The following RNF216 variants were observed in gnomAD, a reference collection of about 807,000 sequenced individuals.
RNF216 encodes the protein ring finger protein 216, also known as E3 ubiquitin-protein ligase RNF216.
RNF216 carries 72 observed loss-of-function variants against 110.8 expected under a neutral mutation model. The observed-to-expected ratio is 0.65, with a 90% confidence interval of 0.54 to 0.79. The LOEUF (loss-of-function observed/expected upper bound fraction) is 0.79. Ranked by LOEUF, RNF216 falls within the 30% of genes least tolerant of loss-of-function variation. The probability of loss-of-function intolerance (pLI) is 0.00; values close to 1 mark genes in which losing one functional copy is unlikely to be tolerated. For synonymous variants in RNF216, 495 were observed against 407.5 expected (o/e 1.21, Z -2.59); for missense variants, 1,342 against 1,141.2 (o/e 1.18, Z -2.54).
chr7:5,693,556 C>A (rs1791459033), intron 13 of RNF216, among the ~76,000 whole-genome samples: 1 of 152,172 alleles, frequency 6.6e-6, no homozygotes. Context: ...TAGGAAGAAG[C>A]CGGCATGAAG....
intron 1 of RNF216, among the ~76,000 whole-genome samples, chr7:5,780,864 G>A (rs1797045763): frequency 1.3e-5 from 2 of 152,222 alleles, no homozygotes; most frequent in South Asian, 4.1e-4. Flanking sequence ...ACGCTCCAGG[G>A]TTGGTTGCAA....
chr7:5,655,330 G>C (rs1266958310), intron 13 of RNF216, among the ~76,000 whole-genome samples: 1 of 152,186 alleles, frequency 6.6e-6, no homozygotes, highest in Non-Finnish European at 1.5e-5. Context: ...TATCTGAAAC[G>C]TCTTTTGAAA....
chr7:5,773,671 G>A (rs1796619537), intron 1 of RNF216, among the ~76,000 whole-genome samples: 1 of 152,162 alleles, frequency 6.6e-6, no homozygotes, highest in Non-Finnish European at 1.5e-5. Context: ...AGGTTCAAGC[G>A]ATTCTCCTGC....
rs757380790 is a variant in RNF216 at position 5,741,286 on chromosome 7, T to A, written c.731A>T (p.Glu244Val). ...YFQSLNQQPR[E>V]ITNQVVPQER... ...CTGAGGAACGACCTGGTTTGTTATTTCACGGGGCTGTTGGTTCAGAGACTG... is the reference window on the plus strand; with the variant it reads ...CTGAGGAACGACCTGGTTTGTTATTACACGGGGCTGTTGGTTCAGAGACTG... Residue 244 changes from glutamate to valine, a missense_variant, in exon 4 of 17, where the codon GAA becomes GTA. Coordinates refer to ENST00000389902, the MANE Select transcript of RNF216 (RefSeq NM_207111.4). 11 of 1,614,098 alleles carry A rather than the reference T, an allele frequency of 6.8e-6. No individual in the cohort carries two copies. The South Asian group carries it at 1.2e-4, about 18-fold the overall frequency.
At chr7:5,679,620 G>A (rs1790524711) in intron 13 of RNF216, among the ~76,000 whole-genome samples, 1 of 152,184 alleles carries the variant, frequency 6.6e-6, no homozygotes, top group Non-Finnish European at 1.5e-5. Context: ...AGCTCCAGGC[G>A]CTATGACAAC....
chr7:5,658,117 C>A (rs1788862014), intron 13 of RNF216, among the ~76,000 whole-genome samples: 1 of 152,158 alleles, frequency 6.6e-6, no homozygotes, highest in South Asian at 2.1e-4. Context: ...GGATTCTTTG[C>A]GGAGCTGACA....
At chr7:5,737,206 TG>T (rs1333792928) in intron 5 of RNF216, among the ~76,000 whole-genome samples, 20 of 152,250 alleles carry the variant, frequency 1.3e-4, no homozygotes, top group African/African-American at 4.8e-4. Context: ...GGGATGCTGT[TG>T]ATCTATTACC....
chr7:5,728,754 G>A (rs925717516), intron 7 of RNF216, among the ~76,000 whole-genome samples: 1 of 152,210 alleles, frequency 6.6e-6, no homozygotes, highest in African/African-American at 2.4e-5. Flanking sequence ...CACTGTGTTT[G>A]CTGAGAATCA....
intron 7 of RNF216, among the ~76,000 whole-genome samples, chr7:5,726,936 A>T (rs1219736937): frequency 2.7e-5 from 4 of 147,794 alleles, no homozygotes; most frequent in African/African-American, 1.1e-4. Context: ...TTGAAACGGA[A>T]GGAAGGGTGT....
chr7:5,662,957 A>C (rs1186538366), intron 13 of RNF216, among the ~76,000 whole-genome samples: 1 of 152,122 alleles, frequency 6.6e-6, no homozygotes, highest in Admixed American at 6.6e-5. Flanking sequence ...GAGCGCTCAG[A>C]GAATCCAGCA....
chr7:5,719,128 C>CTG (rs1793249964), intron 9 of RNF216, among the ~76,000 whole-genome samples: 1 of 152,010 alleles, frequency 6.6e-6, no homozygotes, highest in South Asian at 2.1e-4. Context: ...TGCCTGTAAC[C>CTG]CCAACAATTT....
chr7:5,726,354 T>C (rs945152814), intron 7 of RNF216, among the ~76,000 whole-genome samples: 2 of 152,210 alleles, frequency 1.3e-5, no homozygotes, highest in Admixed American at 1.3e-4. Flanking sequence ...AGTCCCATTC[T>C]GTAGGCAAAT....
intron 1 of RNF216, chr7:5,775,178 G>A (rs1048177714): frequency 5.9e-5 from 9 of 152,124 alleles, no homozygotes; most frequent in African/African-American, 1.9e-4. Flanking sequence ...AGGAAACATG[G>A]CCTAGGCAAC....
intron 13 of RNF216, among the ~76,000 whole-genome samples, chr7:5,689,461 A>G (rs895271474): frequency 6.6e-6 from 1 of 152,070 alleles, no homozygotes; most frequent in Non-Finnish European, 1.5e-5. Flanking sequence ...TTCTGTTGTC[A>G]AGTGATCAAT....
intron 14 of RNF216, among the ~76,000 whole-genome samples, chr7:5,650,429 C>T (rs984217171): frequency 6.6e-6 from 1 of 152,188 alleles, no homozygotes; most frequent in Non-Finnish European, 1.5e-5. Context: ...CAAGAAACAT[C>T]TCACAGCCTG....
In RNF216 at chr7:5,721,116, T is replaced by C. The variant is rs1275324766; in HGVS notation, c.1561A>G (p.Arg521Gly). The C allele has an allele frequency of 1.9e-6, 3 of 1,613,720 alleles. No homozygotes were observed. Among genetic ancestry groups the C allele is most frequent in the East Asian group, 4.5e-5 (2 of 44,898 alleles). ...FFLENKRRHC[R>G]SYDRRALLPA... ...AGGAGAGCACGTCGGTCATAGGACCTACAATGTCGTCGCTTATTTTCAAGA... is the reference window on the plus strand; with the variant it reads ...AGGAGAGCACGTCGGTCATAGGACCCACAATGTCGTCGCTTATTTTCAAGA... Residue 521 changes from arginine (R) to glycine (G), a missense_variant, in exon 9 of 17, where the codon AGG (arginine) becomes GGG (glycine). Transcript: ENST00000389902.
At chr7:5,778,495 T>C (rs1333600479) in intron 1 of RNF216, among the ~76,000 whole-genome samples, 1 of 152,188 alleles carries the variant, frequency 6.6e-6, no homozygotes, top group Non-Finnish European at 1.5e-5. Context: ...TGGTCTCCTC[T>C]GCTAAAACTT....
intron 13 of RNF216, among the ~76,000 whole-genome samples, chr7:5,685,920 GA>G (rs1411084180): frequency 6.6e-6 from 1 of 152,096 alleles, no homozygotes; most frequent in African/African-American, 2.4e-5. Flanking sequence ...TGACCTTGTA[GA>G]AAACGATGTA....
intron 1 of RNF216, among the ~76,000 whole-genome samples, chr7:5,766,130 A>C (rs939655266): frequency 1.3e-5 from 2 of 151,868 alleles, no homozygotes; most frequent in African/African-American, 4.8e-5. Flanking sequence ...CGAAAAATAA[A>C]AATTAAAAAA....
Sources: allele counts gnomAD v4.1 joint callset (sites outside exome capture counted in the v4.1 genomes callset), GRCh38; gene constraint gnomAD v4.1.1; transcripts MANE v1.5; gene names NCBI Gene and HGNC (gene_info 2026-07-23, HGNC 2026-07-21).